Variants in ARK2N observed in about 807,000 individuals in gnomAD.
ARK2N encodes arkadia (RNF111) N-terminal like PKA signaling regulator 2N.
the ARK2N span, among the ~76,000 whole-genome samples, chr18:46,201,859 C>T: frequency 6.6e-6 from 1 of 151,446 alleles, no homozygotes; most frequent in Non-Finnish European, 1.5e-5. Context: ...CTCACTGCAA[C>T]CTCTGCCTCC....
chr18:46,178,932 CTTAAG>C, the ARK2N span, among the ~76,000 whole-genome samples: 1 of 151,658 alleles, frequency 6.6e-6, no homozygotes, highest in African/African-American at 2.4e-5. Flanking sequence ...CTTTATTATC[CTTAAG>C]TTGAGTGAAT....
At chr18:46,240,160 C>A in the ARK2N span, 2 of 1,614,056 alleles carry the variant, frequency 1.2e-6, no homozygotes, top group African/African-American at 1.3e-5. Flanking sequence ...GACCAGCGGG[C>A]TTCTAGAGGA....
the ARK2N span, among the ~76,000 whole-genome samples, chr18:46,187,811 A>G: frequency 3.3e-5 from 5 of 152,184 alleles, no homozygotes; most frequent in African/African-American, 4.8e-5. Flanking sequence ...TCAGTAATAA[A>G]CATAACATGG....
the ARK2N span, among the ~76,000 whole-genome samples, chr18:46,209,326 C>G: frequency 6.7e-6 from 1 of 149,294 alleles, no homozygotes; most frequent in East Asian, 2.0e-4. Flanking sequence ...CCCAAGCCTG[C>G]CTTCTTTCCA....
chr18:46,214,248 T>C, the ARK2N span, among the ~76,000 whole-genome samples: 32 of 152,356 alleles, frequency 2.1e-4, no homozygotes, highest in African/African-American at 7.5e-4. Context: ...TCTAGGTAAC[T>C]TGATGGAGTG....
the ARK2N span, among the ~76,000 whole-genome samples, chr18:46,259,377 G>A: frequency 6.6e-6 from 1 of 151,372 alleles, no homozygotes; most frequent in Non-Finnish European, 1.5e-5. Context: ...CTGAGTAGCT[G>A]GGACTACAGG....
chr18:46,198,904 T>G, the ARK2N span, among the ~76,000 whole-genome samples: 2 of 152,178 alleles, frequency 1.3e-5, no homozygotes, highest in African/African-American at 4.8e-5. Flanking sequence ...GCCTTTTTCC[T>G]TCTTAAAAAT....
the ARK2N span, among the ~76,000 whole-genome samples, chr18:46,192,382 G>A: frequency 6.6e-6 from 1 of 152,062 alleles, no homozygotes; most frequent in African/African-American, 2.4e-5. Flanking sequence ...GACCAGCCTG[G>A]CCAATATGGT....
chr18:46,259,549 A>G, the ARK2N span, among the ~76,000 whole-genome samples: 1 of 151,614 alleles, frequency 6.6e-6, no homozygotes, highest in African/African-American at 2.4e-5. Context: ...GCCACTCTGC[A>G]CTACTTTCTA....
the ARK2N span, among the ~76,000 whole-genome samples, chr18:46,177,113 TAGGAAAG>T: frequency 7.2e-5 from 11 of 152,320 alleles, no homozygotes; most frequent in South Asian, 1.0e-3. Flanking sequence ...TCTGTTATTT[TAGGAAAG>T]AGTTTGGGAC....
chr18:46,247,460 G>A, the ARK2N span, among the ~76,000 whole-genome samples: 2 of 152,178 alleles, frequency 1.3e-5, no homozygotes, highest in Non-Finnish European at 1.5e-5. Flanking sequence ...TCATATTCTT[G>A]TTGTATTTTC....
At chr18:46,184,919 A>T in the ARK2N span, among the ~76,000 whole-genome samples, 2 of 152,226 alleles carry the variant, frequency 1.3e-5, no homozygotes, top group Non-Finnish European at 2.9e-5. Flanking sequence ...ATATTTGCGT[A>T]TACACACACA....
At chr18:46,253,970 A>C in the ARK2N span, 7 of 963,198 alleles carry the variant, frequency 7.3e-6, no homozygotes, top group South Asian at 1.9e-5. Flanking sequence ...TTTAAGAAAC[A>C]CTTTTTGTTT....
At chr18:46,216,569 G>C in the ARK2N span, 1 of 1,613,536 alleles carries the variant, frequency 6.2e-7, no homozygotes, top group Non-Finnish European at 8.5e-7. The surrounding 1 kb of genome is among the most constrained non-coding windows in gnomAD (Gnocchi z 4.3). Flanking sequence ...TCAGGGAGCA[G>C]CAAGACAATC....
the ARK2N span, chr18:46,216,157 T>C: frequency 3.5e-3 from 5,666 of 1,613,990 alleles, 15 homozygotes; most frequent in Non-Finnish European, 4.5e-3. This position sits in a 1 kb window ranked among gnomAD's most constrained non-coding sequence, Gnocchi z 4.3. Context: ...CTCTAATCAC[T>C]GCATGCTTTC....
At chr18:46,226,535 A>G in the ARK2N span, among the ~76,000 whole-genome samples, 1 of 152,200 alleles carries the variant, frequency 6.6e-6, no homozygotes, top group Non-Finnish European at 1.5e-5. Flanking sequence ...TTTGTTTTCA[A>G]TCCTCAAACT....
At chr18:46,210,368 G>C in the ARK2N span, among the ~76,000 whole-genome samples, 1 of 152,198 alleles carries the variant, frequency 6.6e-6, no homozygotes, top group Non-Finnish European at 1.5e-5. Context: ...TCAGGCTTTT[G>C]ACATGAGCAA....
chr18:46,261,706 G>A, the ARK2N span, among the ~76,000 whole-genome samples: 5 of 152,130 alleles, frequency 3.3e-5, no homozygotes, highest in African/African-American at 1.2e-4. Flanking sequence ...GACAGATGAC[G>A]GGCTTCTGGT....
chr18:46,187,466 C>T, the ARK2N span, among the ~76,000 whole-genome samples: 1 of 151,700 alleles, frequency 6.6e-6, no homozygotes, highest in African/African-American at 2.4e-5. Flanking sequence ...CTTAGCCTCC[C>T]GAGTAGCTGA....
Sources: gnomAD v4.1 joint callset for allele counts (sites outside exome capture counted in the v4.1 genomes callset) on GRCh38, gnomAD v4.1.1 for gene constraint, Gnocchi (gnomAD v3.1) non-coding constraint, MANE v1.5 for transcripts, NCBI Gene and HGNC (gene_info 2026-07-23, HGNC 2026-07-21) for gene names.